SATB2: variants seen among roughly 807,000 people sequenced by gnomAD.
The protein encoded by SATB2 is DNA-binding protein SATB2.
Under a neutral mutation model 73.4 loss-of-function variants are expected in SATB2, and 1 was observed. That is an observed-to-expected ratio of 0.01 (90% CI 0.00 to 0.06). The LOEUF is 0.06. SATB2 is among the 10% of genes least tolerant of loss of function. The pLI is 1.00. For synonymous variants in SATB2, 397 were observed against 367.0 expected, an observed-to-expected ratio of 1.08 and a Z score of -0.93; for missense variants, 459 against 945.8, an observed-to-expected ratio of 0.49 and a Z score of 6.75.
At position 199,358,480 on chromosome 2, in the gene SATB2, G is replaced by C. The variant is rs530333732; in HGVS notation, c.701-9307C>G. On this transcript the variant is annotated intron_variant, in intron 6 of 10. Coordinates refer to ENST00000417098, the MANE Select transcript of SATB2 (RefSeq NM_001172509.2). ...GCTGAAGAGTAAAAGAAAGAAAAAA[G>C]AAAAAACAAAAAACTTGCCACCAAA... Among the ~76,000 whole-genome samples the C allele has an allele frequency of 7.2e-5, 11 of 152,008 alleles. No homozygotes were observed. In the South Asian group the frequency reaches 1.0e-3, roughly 14 times the overall value.
chr2:199,405,157 G>A (rs1167943797), intron 3 of SATB2, among the ~76,000 whole-genome samples: 1 of 152,116 alleles, frequency 6.6e-6, no homozygotes, highest in Admixed American at 6.5e-5. Context: ...AAATGTCTTT[G>A]GCTAAGAGAT....
intron 3 of SATB2, among the ~76,000 whole-genome samples, chr2:199,431,177 C>T (rs1477357002): frequency 6.6e-6 from 1 of 152,136 alleles, no homozygotes; most frequent in Non-Finnish European, 1.5e-5. Context: ...TTTGTTCTAC[C>T]TCCTTTTCTA....
upstream of SATB2, chr2:199,467,459 A>T (rs973280801): frequency 6.6e-6 from 1 of 152,240 alleles, no homozygotes; most frequent in Admixed American, 6.5e-5. Flanking sequence ...ATTTGTCATC[A>T]TTGGAAACCT....
chr2:199,417,477 G>GA (rs2105910248), intron 3 of SATB2, among the ~76,000 whole-genome samples: 1 of 152,314 alleles, frequency 6.6e-6, no homozygotes, highest in Admixed American at 6.5e-5. Context: ...GAATGGAAGG[G>GA]AAAATCATCT....
At chr2:199,414,904 G>A (rs756107053) in intron 3 of SATB2, among the ~76,000 whole-genome samples, 2 of 152,110 alleles carry the variant, frequency 1.3e-5, no homozygotes, top group Non-Finnish European at 2.9e-5. Context: ...GGGTGAATGG[G>A]CAGCAGGCTG....
chr2:199,285,630 G>C (rs915941852), intron 10 of SATB2, among the ~76,000 whole-genome samples: 1 of 151,812 alleles, frequency 6.6e-6, no homozygotes, highest in Non-Finnish European at 1.5e-5. Flanking sequence ...CAGACTACAG[G>C]TGTTAGATTA....
chr2:199,304,066 ATGAGGGAAGTG>A (rs1370495440), intron 10 of SATB2, among the ~76,000 whole-genome samples: 3 of 152,166 alleles, frequency 2.0e-5, no homozygotes, highest in Non-Finnish European at 4.4e-5. Context: ...TCTCTCCTGC[ATGAGGGAAGTG>A]TGGTCAGAGG....
chr2:199,292,025 A>C (rs893444495), intron 10 of SATB2, among the ~76,000 whole-genome samples: 1 of 152,148 alleles, frequency 6.6e-6, no homozygotes, highest in Admixed American at 6.5e-5. Context: ...ATTTAATGAG[A>C]TATTTTGAAA....
At chr2:199,389,935 T>C (rs758009250) in intron 3 of SATB2, among the ~76,000 whole-genome samples, 1 of 152,156 alleles carries the variant, frequency 6.6e-6, no homozygotes, top group African/African-American at 2.4e-5. Flanking sequence ...TGTAATTCTA[T>C]ACATGGCTTT....
intron 3 of SATB2, among the ~76,000 whole-genome samples, chr2:199,418,996 A>G (rs894280876): frequency 2.6e-5 from 4 of 152,168 alleles, no homozygotes; most frequent in African/African-American, 9.7e-5. Flanking sequence ...AACCAACACG[A>G]TACAGTGCCA....
upstream of SATB2, among the ~76,000 whole-genome samples, chr2:199,462,675 G>C (rs1439372512): frequency 6.6e-6 from 1 of 152,186 alleles, no homozygotes; most frequent in East Asian, 1.9e-4. This position sits in a 1 kb window ranked among gnomAD's most constrained non-coding sequence, Gnocchi z 5.9. Context: ...GGCGGGGGCG[G>C]AGAGGGAAGG....
At chr2:199,326,313 T>C (rs1371304775) in intron 8 of SATB2, among the ~76,000 whole-genome samples, 1 of 152,116 alleles carries the variant, frequency 6.6e-6, no homozygotes, top group African/African-American at 2.4e-5. Flanking sequence ...CAAAAACATG[T>C]TTAAATATTT....
chr2:199,440,749 G>A (rs1322887737), intron 2 of SATB2, among the ~76,000 whole-genome samples: 1 of 152,110 alleles, frequency 6.6e-6, no homozygotes, highest in Non-Finnish European at 1.5e-5. Flanking sequence ...AGAGGAAGCA[G>A]AAGCCAAGAC....
At chr2:199,322,021 C>T (rs1159498380) in intron 9 of SATB2, among the ~76,000 whole-genome samples, 3 of 152,174 alleles carry the variant, frequency 2.0e-5, no homozygotes, top group Non-Finnish European at 2.9e-5. Flanking sequence ...ATTTGGAGAG[C>T]TAAGCTTCTG....
chr2:199,284,784 A>G (rs1692635481), intron 10 of SATB2, among the ~76,000 whole-genome samples: 1 of 152,048 alleles, frequency 6.6e-6, no homozygotes, highest in Non-Finnish European at 1.5e-5. Context: ...AAAAATATTT[A>G]GAAAAAAAAA....
At chr2:199,459,344 C>T (rs534565579), upstream of SATB2, among the ~76,000 whole-genome samples, 4 of 152,066 alleles carry the variant, frequency 2.6e-5, no homozygotes, top group African/African-American at 9.7e-5. The surrounding 1 kb of genome is among the most constrained non-coding windows in gnomAD (Gnocchi z 4.2). Flanking sequence ...GCCGGCAGCC[C>T]GACTCCGGCC....
intron 2 of SATB2, among the ~76,000 whole-genome samples, chr2:199,454,186 C>A (rs1323672348): frequency 6.6e-6 from 1 of 152,004 alleles, no homozygotes; most frequent in African/African-American, 2.4e-5. Flanking sequence ...GGGGAAAAAA[C>A]TTGTTTTAGG....
At chr2:199,389,351 T>C (rs192377079) in intron 3 of SATB2, among the ~76,000 whole-genome samples, 125 of 152,232 alleles carry the variant, frequency 8.2e-4, no homozygotes, top group Non-Finnish European at 1.4e-3. Flanking sequence ...CTGGCTTGCA[T>C]TGGGGTAAAA....
At chr2:199,327,055 G>C (rs1397401137) in intron 8 of SATB2, among the ~76,000 whole-genome samples, 1 of 152,170 alleles carries the variant, frequency 6.6e-6, no homozygotes, top group African/African-American at 2.4e-5. Context: ...CAGTTCCTTA[G>C]AATTTATCAG....
Sources: allele counts gnomAD v4.1 joint callset (sites outside exome capture counted in the v4.1 genomes callset), GRCh38; gene constraint gnomAD v4.1.1; non-coding constraint Gnocchi (gnomAD v3.1); transcripts MANE v1.5; gene names NCBI Gene and HGNC (gene_info 2026-07-23, HGNC 2026-07-21).